The following TMEM132E variants were observed in gnomAD, a reference collection of about 807,000 sequenced individuals.
The protein encoded by TMEM132E is transmembrane protein 132E.
TMEM132E carries 49 observed loss-of-function variants against 78.5 expected under a neutral mutation model. The observed-to-expected ratio is 0.62, with a 90% CI of 0.50 to 0.79. TMEM132E has a LOEUF of 0.79. Among genes scored for constraint, TMEM132E ranks in the 30% least tolerant of loss-of-function variants. TMEM132E has a pLI of 0.00. For synonymous variants in TMEM132E, 715 were observed against 670.6 expected (o/e 1.07, Z -1.02); for missense variants, 1,403 against 1,470.9 (o/e 0.95, Z 0.75).
rs1907152139 is a variant in TMEM132E at position 34,626,790 on chromosome 17, G to T, written c.731G>T (p.Gly244Val). The T allele has an allele frequency of 3.3e-6, 5 of 1,504,404 alleles. No individual in the cohort carries two copies. The highest frequency in any genetic ancestry group is 2.3e-4 in the Middle Eastern group (1 of 4,258). The allele number at this position is 1,504,404 out of a possible 1,614,324, so 93.2% of individuals were successfully genotyped here. A position where few individuals can be genotyped will look rare whatever the true frequency, so the allele number is the denominator to read the frequency against. Residue 244 changes from glycine to valine, a missense_variant, in exon 2 of 9, where the codon GGC becomes GTC. Around this residue, in one of 3 missense-constraint regions of TMEM132E, gnomAD observed 511 missense variants for 499.0 expected, o/e 1.02. Transcript: ENST00000631683. ...CTCCACGCCCCTGATGCGTCGGGGG[G>T]CTGCGGGGGCTCCCGCCGGGGGGCC... ...YTLHAPDASG[G>V]CGGSRRGAGP...
chr17:34,623,872 G>T (rs78803495), intron 1 of TMEM132E, among the ~76,000 whole-genome samples: 1 of 152,098 alleles, frequency 6.6e-6, no homozygotes, highest in Non-Finnish European at 1.5e-5. Flanking sequence ...ATGAGACCTA[G>T]GCACCAGCCA....
intron 1 of TMEM132E, among the ~76,000 whole-genome samples, chr17:34,593,665 T>C (rs769441959): frequency 2.0e-5 from 3 of 152,242 alleles, no homozygotes; most frequent in Non-Finnish European, 4.4e-5. Flanking sequence ...CTCCCATCCA[T>C]TCAGAGGCAG....
chr17:34,612,626 T>C (rs1307768109), intron 1 of TMEM132E, among the ~76,000 whole-genome samples: 2 of 152,200 alleles, frequency 1.3e-5, no homozygotes, highest in African/African-American at 4.8e-5. Context: ...CAGAGATCAT[T>C]CACACACAAG....
intron 1 of TMEM132E, among the ~76,000 whole-genome samples, chr17:34,581,509 C>G (rs889946357): frequency 8.5e-5 from 13 of 152,146 alleles, no homozygotes; most frequent in African/African-American, 2.9e-4. Flanking sequence ...TCCCTGCAGC[C>G]GGCCGGGCTG....
chr17:34,582,307 T>C (rs1567708936), intron 1 of TMEM132E, among the ~76,000 whole-genome samples: 1 of 152,068 alleles, frequency 6.6e-6, no homozygotes, highest in South Asian at 2.1e-4. Context: ...GCCCAGTCCC[T>C]AAGAGCCTGC....
At position 34,632,797 on chromosome 17, in the gene TMEM132E, G is replaced by C. The variant is rs780401431; in HGVS notation, c.1576G>C (p.Ala526Pro). The C allele has an allele frequency of 1.2e-6, 2 of 1,614,094 alleles. No homozygotes were observed. Among genetic ancestry groups the C allele is most frequent in the South Asian group, 1.1e-5 (1 of 91,080 alleles). ...RVTFRYDVLN[A>P]PLEMTVWVPK... ...CACCTTCCGCTACGACGTCCTCAAT[G>C]CTCCCCTGGAAATGACAGTCTGGGT... The change falls in exon 6 of 9, where the codon GCT (alanine) becomes CCT (proline). Residue 526 changes from alanine to proline, a missense_variant. Physicochemically the swap from Ala to Pro is conservative, Grantham distance 27 (BLOSUM62 -1). Around this residue, in one of 3 missense-constraint regions of TMEM132E, gnomAD observed 888 missense variants for 952.8 expected, o/e 0.93. Coordinates refer to ENST00000631683, the MANE Select transcript of TMEM132E (RefSeq NM_001304438.2).
chr17:34,595,727 T>C (rs1420175462), intron 1 of TMEM132E, among the ~76,000 whole-genome samples: 2 of 152,188 alleles, frequency 1.3e-5, no homozygotes, highest in African/African-American at 2.4e-5. Context: ...GCCAGTGGTC[T>C]CCTTCTTGTG....
intron 1 of TMEM132E, among the ~76,000 whole-genome samples, chr17:34,616,565 T>C (rs1302446037): frequency 6.6e-6 from 1 of 152,184 alleles, no homozygotes; most frequent in East Asian, 1.9e-4. Context: ...GTGTTGGGAA[T>C]ACGGTGGAGA....
chr17:34,635,413 C>T (rs1040828778), intron 7 of TMEM132E, among the ~76,000 whole-genome samples: 3 of 152,130 alleles, frequency 2.0e-5, no homozygotes, highest in South Asian at 2.1e-4. Flanking sequence ...TTTGACCTTT[C>T]CTGACTTGTT....
At chr17:34,581,164 T>G (rs750533580) in intron 1 of TMEM132E, 21 bp downstream of exon 1, 29 of 1,498,468 alleles carry the variant, frequency 1.9e-5, no homozygotes, top group Non-Finnish European at 2.4e-5. Context: ...CGGCGCGGAC[T>G]GGGGGTGAGG....
At chr17:34,587,205 CG>C (rs2142049360) in intron 1 of TMEM132E, among the ~76,000 whole-genome samples, 1 of 152,288 alleles carries the variant, frequency 6.6e-6, no homozygotes, top group East Asian at 1.9e-4. Context: ...TCAGACCCCA[CG>C]GGGCCCTGGC....
At position 34,629,162 on chromosome 17, in the gene TMEM132E, G is replaced by T. The variant is rs774833623; in HGVS notation, c.1296G>T (p.Thr432=). The change falls in exon 4 of 9, where the codon ACG becomes ACT. Residue 432 remains threonine (T), a synonymous_variant. Coordinates refer to ENST00000631683, the MANE Select transcript of TMEM132E (RefSeq NM_001304438.2). ...TGGAGCGGGCAGTCACTGAGCTGAC[G>T]GTCATTCAGCGGGATGTGCAAGCCA... The part of the protein sequence containing the change: ...PDLERAVTEL[T]VIQRDVQAIL... The T allele has an allele frequency of 6.2e-7, 1 of 1,614,012 alleles. No homozygotes were observed. The highest frequency in any genetic ancestry group is 8.5e-7 in the Non-Finnish European group (1 of 1,180,014).
Position 34,627,538 on chromosome 17 carries a change from A to G in TMEM132E, c.998+481A>G, listed in dbSNP as rs1249859418. Among the ~76,000 whole-genome samples the G allele has an allele frequency of 2.1e-5, 3 of 145,172 alleles. No homozygotes were observed. The East Asian group carries it at 6.1e-4, about 30-fold the overall frequency. On this transcript the variant is annotated intron_variant, in intron 2 of 8. Coordinates refer to ENST00000631683, the MANE Select transcript of TMEM132E (RefSeq NM_001304438.2). The stretch of plus-strand genomic sequence containing the variant: ...CATTTGCCCCAGTCCTAGAGTTGGG[A>G]GAAAAATTTTCAGAATTCCCAGCTC...
chr17:34,614,393 C>G (rs1377446942), intron 1 of TMEM132E: 3 of 152,206 alleles, frequency 2.0e-5, no homozygotes, highest in Non-Finnish European at 4.4e-5. Context: ...AGGGTTTGCC[C>G]TGCAGGTCGC....
chr17:34,637,900 T>C lies in TMEM132E; in HGVS notation c.2893T>C (p.Cys965Arg), dbSNP rs202178307. 1.7e-4 allele frequency: 273 copies of C among 1,606,160 alleles called. 1 individual carries two copies. The highest frequency in any genetic ancestry group is 1.9e-4 in the Non-Finnish European group (222 of 1,178,884). Reference protein sequence around the residue: ...GNPLETVPAFCHGDHHSSGSS... With the variant: ...GNPLETVPAFRHGDHHSSGSS... ...CCCGCTGGAAACCGTGCCCGCCTTC[T>C]GCCACGGCGACCACCACAGCAGCGG... The change falls in exon 9 of 9, where the codon TGC (cysteine) becomes CGC (arginine). Residue 965 changes from cysteine (C) to arginine (R), a missense_variant. Transcript: ENST00000631683.
chr17:34,585,429 G>A (rs905703053), intron 1 of TMEM132E, among the ~76,000 whole-genome samples: 1 of 152,214 alleles, frequency 6.6e-6, no homozygotes, highest in African/African-American at 2.4e-5. Context: ...CCACCTACCT[G>A]GAGCAGGGGA....
Position 34,637,838 on chromosome 17 carries a change from T to C in TMEM132E, c.2831T>C (p.Leu944Pro). The C allele has an allele frequency of 6.2e-7, 1 of 1,610,818 alleles. No homozygotes were observed. The highest frequency in any genetic ancestry group is 8.5e-7 in the Non-Finnish European group (1 of 1,178,814). The change falls in exon 9 of 9, where the codon CTG becomes CCG. Residue 944 changes from leucine (L) to proline (P), a missense_variant. This residue lies in a region of TMEM132E where 888 missense variants were observed against 952.8 expected (regional missense o/e 0.93). Coordinates refer to ENST00000631683, the MANE Select transcript of TMEM132E (RefSeq NM_001304438.2). ...HWVFLGNGQP[L>P]RVQGELSPPA... ...GTGTTCCTGGGCAACGGGCAGCCGCTGCGGGTGCAAGGAGAGCTGTCGCCG... is the reference window on the plus strand; with the variant it reads ...GTGTTCCTGGGCAACGGGCAGCCGCCGCGGGTGCAAGGAGAGCTGTCGCCG...
At chr17:34,591,307 A>ACTTT (rs371351334) in intron 1 of TMEM132E, among the ~76,000 whole-genome samples, 1 of 146,618 alleles carries the variant, frequency 6.8e-6, no homozygotes, top group Non-Finnish European at 1.5e-5. Context: ...CTCCCTCACT[A>ACTTT]TTTTTTTTTT....
chr17:34,606,457 A>G (rs544392452), intron 1 of TMEM132E, among the ~76,000 whole-genome samples: 15 of 152,370 alleles, frequency 9.8e-5, no homozygotes, highest in African/African-American at 2.6e-4. Context: ...ATTCACAAGC[A>G]TAGAAACTGA....
Sources: allele counts gnomAD v4.1 joint callset (sites outside exome capture counted in the v4.1 genomes callset), GRCh38; gene constraint gnomAD v4.1.1; regional missense constraint gnomAD v4.1.1; transcripts MANE v1.5; gene names NCBI Gene and HGNC (gene_info 2026-07-23, HGNC 2026-07-21).